The following QKI variants were observed in gnomAD, a reference collection of about 807,000 sequenced individuals.
QKI encodes QKI, KH domain containing RNA binding.
A neutral mutation model predicts 39.0 loss-of-function variants in QKI; 10 were observed. The ratio of observed to expected loss-of-function variants is 0.26; its 90% CI spans 0.16 to 0.43. The LOEUF is 0.43. Among genes scored for constraint, QKI ranks in the 20% least tolerant of loss-of-function variants. QKI has a pLI of 1.00. For missense variants in QKI, 218 were observed against 428.0 expected (o/e 0.51, Z 4.33); for synonymous variants, 204 against 155.4 (o/e 1.31, Z -2.33).
At chr6:163,557,454 C>A (rs563587683) in intron 4 of QKI, among the ~76,000 whole-genome samples, 1 of 152,296 alleles carries the variant, frequency 6.6e-6, no homozygotes, top group South Asian at 2.1e-4. Flanking sequence ...CACATGTTCT[C>A]ACTTTTTTGT....
intron 3 of QKI, among the ~76,000 whole-genome samples, chr6:163,492,205 C>T (rs2128228660): frequency 6.6e-6 from 1 of 152,274 alleles, no homozygotes; most frequent in Non-Finnish European, 1.5e-5. Flanking sequence ...AATATATTAA[C>T]AACAAATTAT....
At chr6:163,510,690 T>A (rs1779392506) in intron 3 of QKI, among the ~76,000 whole-genome samples, 1 of 152,152 alleles carries the variant, frequency 6.6e-6, no homozygotes. Context: ...TAAAATAGAT[T>A]GCAACAGAAA....
intron 3 of QKI, among the ~76,000 whole-genome samples, chr6:163,504,212 T>G (rs1400569150): frequency 1.3e-5 from 2 of 152,178 alleles, no homozygotes; most frequent in Non-Finnish European, 2.9e-5. Flanking sequence ...GTTCCATTGG[T>G]CTTTATGTCT....
chr6:163,475,278 A>G (rs1407393556), intron 2 of QKI, among the ~76,000 whole-genome samples: 1 of 152,182 alleles, frequency 6.6e-6, no homozygotes. Context: ...CAACCAACCT[A>G]GGATCAAAAC....
At chr6:163,546,238 T>C (rs1237975865) in intron 4 of QKI, among the ~76,000 whole-genome samples, 5 of 151,830 alleles carry the variant, frequency 3.3e-5, no homozygotes, top group African/African-American at 1.2e-4. Context: ...TTTTCTTTAG[T>C]TCAATTATTT....
chr6:163,490,956 G>A (rs1355296176), intron 3 of QKI, among the ~76,000 whole-genome samples: 2 of 152,132 alleles, frequency 1.3e-5, no homozygotes, highest in African/African-American at 4.8e-5. Context: ...TAGAGACTTT[G>A]ACATATTTAA....
At chr6:163,522,920 G>A (rs943891628) in intron 3 of QKI, among the ~76,000 whole-genome samples, 1 of 151,792 alleles carries the variant, frequency 6.6e-6, no homozygotes. Flanking sequence ...TGAATAGGAC[G>A]TCGCAACCTA....
At chr6:163,550,924 G>T (rs1368743433) in intron 4 of QKI, among the ~76,000 whole-genome samples, 1 of 145,890 alleles carries the variant, frequency 6.9e-6, no homozygotes, top group Admixed American at 6.9e-5. Flanking sequence ...TTCTGCCTGG[G>T]CGACAGAGCA....
chr6:163,459,229 T>C (rs895193683), intron 2 of QKI, among the ~76,000 whole-genome samples: 1 of 152,242 alleles, frequency 6.6e-6, no homozygotes, highest in Non-Finnish European at 1.5e-5. Flanking sequence ...CAAGCCAAAC[T>C]GCATAAGCAG....
intron 3 of QKI, among the ~76,000 whole-genome samples, chr6:163,511,013 A>G (rs1254795910): frequency 6.6e-6 from 1 of 152,118 alleles, no homozygotes; most frequent in East Asian, 1.9e-4. Context: ...ACCAAAACAG[A>G]GCATGCTGGG....
At position 163,574,021 on chromosome 6, in the gene QKI, G is replaced by C. The variant is rs533153363; in HGVS notation, c.*3311G>C. Reference sequence around the variant, plus strand: ...GGTCTTTTAGCTTGGGGGCCGGGGCGGGTGTGGGTGTAGGTGCAGTAGAGA... The same window carrying C: ...GGTCTTTTAGCTTGGGGGCCGGGGCCGGTGTGGGTGTAGGTGCAGTAGAGA... On this transcript the variant is annotated 3_prime_UTR_variant, in exon 8 of 8. Transcript: ENST00000361752. The C allele has an allele frequency of 6.6e-6, 1 of 152,084 alleles. No individual in the cohort carries two copies. The highest frequency in any genetic ancestry group is 1.9e-4 in the East Asian group (1 of 5,196). The allele number at this position is 152,084 out of a possible 1,614,324, so 9.4% of individuals were successfully genotyped here. A position where few individuals can be genotyped will look rare whatever the true frequency, so the allele number is the denominator to read the frequency against.
chr6:163,444,072 A>G (rs536300291), intron 1 of QKI, among the ~76,000 whole-genome samples: 2 of 152,344 alleles, frequency 1.3e-5, no homozygotes, highest in Admixed American at 1.3e-4. Context: ...AATTTAAAGT[A>G]AATTCTGGTG....
chr6:163,428,656 A>C (rs1788592602), intron 1 of QKI, among the ~76,000 whole-genome samples: 1 of 152,146 alleles, frequency 6.6e-6, no homozygotes, highest in Non-Finnish European at 1.5e-5. Flanking sequence ...CAATTGTTGA[A>C]ATACTGCTCA....
chr6:163,422,924 G>GA lies in QKI; in HGVS notation c.142+7595dup, dbSNP rs1393297920. Among the ~76,000 whole-genome samples the GA allele has an allele frequency of 3.9e-5, 6 of 152,126 alleles. No individual in the cohort carries two copies. In the South Asian group the frequency reaches 6.2e-4, roughly 16 times the overall value. On this transcript the variant is annotated intron_variant, in intron 1 of 7. Transcript: ENST00000361752. ...TGATTTTATAGTTTGAAATATATAG[G>GA]AAAAAACAAACAAAAAATAATACAT... is the stretch of plus-strand genomic sequence containing the variant.
intron 1 of QKI, among the ~76,000 whole-genome samples, chr6:163,448,018 A>G (rs1790278048): frequency 6.6e-6 from 1 of 152,172 alleles, no homozygotes; most frequent in South Asian, 2.1e-4. Context: ...TATAAATTTG[A>G]TCATACAGTA....
intron 1 of QKI, among the ~76,000 whole-genome samples, chr6:163,443,492 G>A (rs1489657812): frequency 1.3e-5 from 2 of 152,168 alleles, no homozygotes; most frequent in Non-Finnish European, 2.9e-5. Context: ...GCTTGAATCC[G>A]GGAGGCAGAG....
chr6:163,541,191 A>T (rs928726645), intron 4 of QKI, among the ~76,000 whole-genome samples: 4 of 151,896 alleles, frequency 2.6e-5, no homozygotes, highest in African/African-American at 9.7e-5. Context: ...TCAGTGCAAA[A>T]GTTTTTTCCA....
At chr6:163,489,354 G>C (rs888155186) in intron 3 of QKI, among the ~76,000 whole-genome samples, 30 of 151,702 alleles carry the variant, frequency 2.0e-4, no homozygotes, top group Non-Finnish European at 7.4e-5. Flanking sequence ...TTTCCCCCCA[G>C]CTTCACAAAA....
At chr6:163,498,564 C>A (rs1778552998) in intron 3 of QKI, among the ~76,000 whole-genome samples, 1 of 151,578 alleles carries the variant, frequency 6.6e-6, no homozygotes. Flanking sequence ...ACTTTCAGGC[C>A]CCTCCCTTCT....
Sources: allele counts gnomAD v4.1 joint callset (sites outside exome capture counted in the v4.1 genomes callset), GRCh38; gene constraint gnomAD v4.1.1; transcripts MANE v1.5; gene names NCBI Gene and HGNC (gene_info 2026-07-23, HGNC 2026-07-21).